The following BFSP2 variants were observed in gnomAD, a reference collection of about 807,000 sequenced individuals.
BFSP2 encodes beaded filament structural protein 2.
A neutral mutation model predicts 44.9 loss-of-function variants in BFSP2; 38 were observed. That is an observed-to-expected ratio of 0.85 (90% CI 0.65 to 1.11). BFSP2 has a LOEUF of 1.11. BFSP2 is among the 50% of genes least tolerant of loss of function. BFSP2 has a pLI of 0.00. For synonymous variants in BFSP2, 197 were observed against 209.9 expected, an observed-to-expected ratio of 0.94 and a Z score of 0.53; for missense variants, 525 against 533.0, an observed-to-expected ratio of 0.99 and a Z score of 0.15.
At chr3:133,410,489 C>T (rs932000518) in intron 1 of BFSP2, 6 of 279,196 alleles carry the variant, frequency 2.1e-5, no homozygotes, top group Non-Finnish European at 4.4e-5. Flanking sequence ...GTCATTCCAG[C>T]TCTCATGGGA....
At chr3:133,443,775 A>G (rs1275687869) in intron 1 of BFSP2, among the ~76,000 whole-genome samples, 1 of 152,142 alleles carries the variant, frequency 6.6e-6, no homozygotes, top group Admixed American at 6.5e-5. Flanking sequence ...TTAATTTCCC[A>G]GGAGCTCAGT....
At position 133,423,438 on chromosome 3, in the gene BFSP2, A is replaced by C. The variant is rs563405513; in HGVS notation, c.489+22866A>C. ...AAGCATTCGGCAAACTGTGGTAGTA[A>C]TCTGCGTCATCATTTATAGTACTTA... is the stretch of plus-strand genomic sequence containing the variant. On this transcript the variant is annotated intron_variant, in intron 1 of 6. Transcript: ENST00000302334. 4.6e-5 allele frequency among the ~76,000 whole-genome samples: 7 copies of C among 152,214 alleles called. No individual in the cohort carries two copies. The East Asian group carries it at 9.7e-4, about 21-fold the overall frequency.
intron 1 of BFSP2, among the ~76,000 whole-genome samples, chr3:133,428,258 G>T (rs1185359602): frequency 6.6e-6 from 1 of 152,114 alleles, no homozygotes; most frequent in Non-Finnish European, 1.5e-5. Context: ...GGAGAAACCC[G>T]CAAGAGGCAG....
intron 1 of BFSP2, among the ~76,000 whole-genome samples, chr3:133,411,504 A>C (rs1171025691): frequency 1.3e-5 from 2 of 152,306 alleles, no homozygotes; most frequent in African/African-American, 4.8e-5. Context: ...CTGGTGGAGT[A>C]CACATCACCA....
chr3:133,426,682 A>G (rs2073657006), intron 1 of BFSP2, among the ~76,000 whole-genome samples: 1 of 152,154 alleles, frequency 6.6e-6, no homozygotes, highest in Admixed American at 6.5e-5. Context: ...TCACATTCTA[A>G]AACTCTATAA....
chr3:133,449,472 GGTTA>G (rs1254528096), intron 3 of BFSP2, among the ~76,000 whole-genome samples: 1 of 151,420 alleles, frequency 6.6e-6, no homozygotes, highest in African/African-American at 2.4e-5. Context: ...ACAATGTGCA[GGTTA>G]GTTACATATG....
intron 1 of BFSP2, chr3:133,429,533 C>T (rs1383682110): frequency 2.0e-5 from 3 of 152,210 alleles, no homozygotes; most frequent in African/African-American, 4.8e-5. Context: ...TACTCAAAGT[C>T]CACCAATGTC....
intron 4 of BFSP2, among the ~76,000 whole-genome samples, chr3:133,456,970 C>G (rs568874432): frequency 1.3e-5 from 2 of 152,106 alleles, no homozygotes; most frequent in Non-Finnish European, 2.9e-5. Flanking sequence ...ACAAGCTACT[C>G]TGTCTAGACT....
In BFSP2 at chr3:133,439,794, G is replaced by C. The variant is rs975521324; in HGVS notation, c.490-7523G>C. On this transcript the variant is annotated intron_variant, in intron 1 of 6. Transcript: ENST00000302334. ...CAGGCTACAGACTTCATAGGACAAGGGGACATGGGAAGGTTCATTCCGGAG... is the reference window on the plus strand; with the variant it reads ...CAGGCTACAGACTTCATAGGACAAGCGGACATGGGAAGGTTCATTCCGGAG... 4.6e-5 allele frequency among the ~76,000 whole-genome samples: 7 copies of C among 152,142 alleles called. No homozygotes were observed. The East Asian group carries it at 1.3e-3, about 29-fold the overall frequency.
intron 5 of BFSP2, among the ~76,000 whole-genome samples, chr3:133,471,922 T>TC (rs1289894167): frequency 6.6e-6 from 1 of 150,938 alleles, no homozygotes; most frequent in East Asian, 1.9e-4. Flanking sequence ...GGAGAAGGGG[T>TC]CCCCCGGGGA....
intron 4 of BFSP2, among the ~76,000 whole-genome samples, chr3:133,457,185 G>A (rs1026034082): frequency 2.0e-5 from 3 of 152,184 alleles, no homozygotes; most frequent in Non-Finnish European, 2.9e-5. Flanking sequence ...GCTCCTGTGT[G>A]CCAATGAGCT....
At chr3:133,456,084 G>A (rs1012781049) in intron 4 of BFSP2, among the ~76,000 whole-genome samples, 2 of 152,142 alleles carry the variant, frequency 1.3e-5, no homozygotes, top group Non-Finnish European at 2.9e-5. Flanking sequence ...TGGTTGCCCG[G>A]ATGTGAGAGA....
chr3:133,448,627 A>T lies in BFSP2; in HGVS notation c.711A>T (p.Leu237=). ...IESLKEELGS[L]SRNYEEDVKL... is the part of the protein sequence containing the mutation. ...GTCTGAAAGAAGAACTTGGCTCTCT[A>T]TCAAGAAACTATGAAGAGGTAGGAG... is the stretch of plus-strand genomic sequence containing the variant. The change falls in exon 3 of 7, where the codon CTA becomes CTT. Residue 237 remains leucine (L), a synonymous_variant. Transcript: ENST00000302334. 1 of 1,613,964 alleles carries T rather than the reference A, an allele frequency of 6.2e-7. No homozygotes were observed. The highest frequency in any genetic ancestry group is 8.5e-7 in the Non-Finnish European group (1 of 1,179,964).
At chr3:133,474,638 C>T (rs978873898) in intron 6 of BFSP2, among the ~76,000 whole-genome samples, 2 of 152,150 alleles carry the variant, frequency 1.3e-5, no homozygotes, top group Non-Finnish European at 2.9e-5. Flanking sequence ...TGAGTTAGGC[C>T]GAGTTACTTC....
intron 4 of BFSP2, among the ~76,000 whole-genome samples, chr3:133,464,086 C>T (rs2074088269): frequency 6.6e-6 from 1 of 152,168 alleles, no homozygotes; most frequent in African/African-American, 2.4e-5. Flanking sequence ...GGATGCCCCA[C>T]CTCCTGCCTC....
chr3:133,439,164 C>T (rs969152350), intron 1 of BFSP2, among the ~76,000 whole-genome samples: 1 of 152,188 alleles, frequency 6.6e-6, no homozygotes, highest in South Asian at 2.1e-4. Context: ...GTAGTAAGTG[C>T]TTTAAAAAAT....
At chr3:133,456,353 A>G (rs545703310) in intron 4 of BFSP2, among the ~76,000 whole-genome samples, 1 of 152,234 alleles carries the variant, frequency 6.6e-6, no homozygotes, top group Non-Finnish European at 1.5e-5. Context: ...AGGCCAAAAG[A>G]AACATTCAAG....
chr3:133,433,674 A>G (rs2073752102), intron 1 of BFSP2, among the ~76,000 whole-genome samples: 1 of 152,112 alleles, frequency 6.6e-6, no homozygotes, highest in African/African-American at 2.4e-5. Context: ...TCCCACCTCT[A>G]TACATTCTGA....
chr3:133,413,831 G>A (rs2073478800), intron 1 of BFSP2, among the ~76,000 whole-genome samples: 1 of 151,956 alleles, frequency 6.6e-6, no homozygotes, highest in African/African-American at 2.4e-5. Context: ...CATGTTTATT[G>A]CAGGACCAAC....
Sources: gnomAD v4.1 joint callset for allele counts (sites outside exome capture counted in the v4.1 genomes callset) on GRCh38, gnomAD v4.1.1 for gene constraint, MANE v1.5 for transcripts, NCBI Gene and HGNC (gene_info 2026-07-23, HGNC 2026-07-21) for gene names.